The following ERC1 variants were observed in gnomAD, a reference collection of about 807,000 sequenced individuals.
The protein encoded by ERC1 is RAB6 interacting protein 2.
In ERC1, 56 loss-of-function variants were observed where a neutral mutation model predicts 132.0. That is an observed-to-expected ratio of 0.42 (90% CI 0.34 to 0.53). The LOEUF (loss-of-function observed/expected upper bound fraction) is 0.53, where lower values mean the gene tolerates loss of function less well. Ranked by LOEUF, ERC1 falls within the 20% of genes least tolerant of loss-of-function variation. The probability of loss-of-function intolerance (pLI) is 0.03; values close to 1 mark genes in which losing one functional copy is unlikely to be tolerated. For synonymous variants in ERC1, 478 were observed against 476.1 expected, an observed-to-expected ratio of 1.00 and a Z score of -0.05; for missense variants, 1,202 against 1,349.9, an observed-to-expected ratio of 0.89 and a Z score of 1.72.
intron 8 of ERC1, among the ~76,000 whole-genome samples, chr12:1,177,772 T>C (rs769874929): frequency 5.3e-5 from 8 of 152,208 alleles, no homozygotes; most frequent in Non-Finnish European, 1.0e-4. Flanking sequence ...GTAGTGCCGA[T>C]AGACTTGCTC....
intron 12 of ERC1, among the ~76,000 whole-genome samples, chr12:1,200,809 C>G (rs1192212322): frequency 2.6e-5 from 4 of 152,162 alleles, no homozygotes; most frequent in African/African-American, 7.2e-5. Context: ...CCGCCCGCCT[C>G]GGCCTCCCAA....
intron 14 of ERC1, among the ~76,000 whole-genome samples, chr12:1,288,322 C>A (rs1159147218): frequency 1.3e-5 from 2 of 152,090 alleles, no homozygotes; most frequent in Non-Finnish European, 2.9e-5. Context: ...GCCATGTTGG[C>A]CAGGCTAGTC....
At chr12:1,100,280 T>A (rs1463521691) in intron 3 of ERC1, among the ~76,000 whole-genome samples, 1 of 152,124 alleles carries the variant, frequency 6.6e-6, no homozygotes, top group Non-Finnish European at 1.5e-5. Flanking sequence ...TGAGTCTGGC[T>A]GGAGCCGACT....
chr12:1,046,556 T>C (rs1265953821), intron 2 of ERC1, among the ~76,000 whole-genome samples: 5 of 152,212 alleles, frequency 3.3e-5, no homozygotes, highest in African/African-American at 1.2e-4. Context: ...GTAGTTGTGA[T>C]AGAGTCTATA....
At chr12:1,373,246 G>A (rs768544465) in intron 16 of ERC1, among the ~76,000 whole-genome samples, 8 of 152,226 alleles carry the variant, frequency 5.3e-5, no homozygotes, top group African/African-American at 1.7e-4. Context: ...GCTGATAATA[G>A]CAAATTGGAG....
intron 2 of ERC1, among the ~76,000 whole-genome samples, chr12:1,051,783 G>T (rs1444023253): frequency 1.3e-5 from 2 of 150,688 alleles, no homozygotes; most frequent in Admixed American, 6.7e-5. Context: ...GAGAGGAAAA[G>T]AAGGTGAATT....
intron 8 of ERC1, among the ~76,000 whole-genome samples, chr12:1,161,075 C>T (rs1455035056): frequency 1.3e-5 from 2 of 152,124 alleles, no homozygotes; most frequent in Non-Finnish European, 2.9e-5. Flanking sequence ...TGTGGGTCTC[C>T]CAGTCTTCCC....
intron 7 of ERC1, among the ~76,000 whole-genome samples, chr12:1,126,986 C>CAAAAAAAAAAAAAAAAAAAAAAAAAAA: frequency 8.8e-6 from 1 of 114,210 alleles, no homozygotes; most frequent in African/African-American, 4.3e-5. Context: ...GATTCTGTCT[C>CAAAAAAAAAAAAAAAAAAAAAAAAAAA]AAAAAAAAAA....
chr12:1,257,565 A>G (rs905213533), intron 13 of ERC1, among the ~76,000 whole-genome samples: 1 of 152,168 alleles, frequency 6.6e-6, no homozygotes, highest in African/African-American at 2.4e-5. Context: ...TATTATCACC[A>G]TGGTAATTAT....
At chr12:1,191,751 A>G (rs975370215) in intron 12 of ERC1, among the ~76,000 whole-genome samples, 1 of 152,190 alleles carries the variant, frequency 6.6e-6, no homozygotes, top group African/African-American at 2.4e-5. Flanking sequence ...CACAGAATGT[A>G]ACTCTTATAA....
At chr12:1,194,335 C>A (rs541709720) in intron 12 of ERC1, among the ~76,000 whole-genome samples, 1 of 151,922 alleles carries the variant, frequency 6.6e-6, no homozygotes, top group Admixed American at 6.6e-5. Context: ...GCAGGAGAAT[C>A]GCTTGAACTC....
chr12:1,180,648 A>G lies in ERC1; in HGVS notation c.1846A>G (p.Thr616Ala). 6.2e-7 allele frequency: 1 copy of G among 1,614,046 alleles called. No individual in the cohort carries two copies. The highest frequency in any genetic ancestry group is 8.5e-7 in the Non-Finnish European group (1 of 1,180,034). Residue 616 changes from threonine (T) to alanine (A), a missense_variant, in exon 9 of 19, where the codon ACA becomes GCA. Coordinates refer to ENST00000360905, the MANE Select transcript of ERC1 (RefSeq NM_178040.4). ...CACCACCAACACTGACACTGCCTTG[A>G]CAACTTTGGAGGAGGCCCTTGCAGA... Reference protein sequence around the residue: ...ADTTNTDTALTTLEEALAEKE... With the variant: ...ADTTNTDTALATLEEALAEKE...
chr12:1,233,470 CAAA>C (rs60542316), intron 12 of ERC1, among the ~76,000 whole-genome samples: 21 of 71,496 alleles, frequency 2.9e-4, no homozygotes, highest in African/African-American at 8.8e-4. Context: ...GACCCTGTCT[CAAA>C]AAAAAAAAAA....
chr12:1,271,002 T>A (rs2077808745), intron 14 of ERC1, among the ~76,000 whole-genome samples: 1 of 152,182 alleles, frequency 6.6e-6, no homozygotes, highest in African/African-American at 2.4e-5. Context: ...TACTTCCTTT[T>A]CTTTAAAAAA....
chr12:1,037,308 T>G (rs1477239121), intron 2 of ERC1, among the ~76,000 whole-genome samples: 1 of 152,202 alleles, frequency 6.6e-6, no homozygotes, highest in Non-Finnish European at 1.5e-5. Context: ...TTTTAGAGAT[T>G]TGCTAATTTA....
intron 15 of ERC1, among the ~76,000 whole-genome samples, chr12:1,307,683 T>C (rs1230199190): frequency 6.6e-6 from 1 of 152,216 alleles, no homozygotes; most frequent in Non-Finnish European, 1.5e-5. Flanking sequence ...TGATGATTCC[T>C]TTTTGCTACC....
intron 12 of ERC1, among the ~76,000 whole-genome samples, chr12:1,209,249 G>C (rs1241493466): frequency 2.0e-5 from 3 of 152,190 alleles, no homozygotes; most frequent in Admixed American, 6.5e-5. Context: ...GATTACAGGC[G>C]TGATAAACTG....
chr12:1,482,384 A>G (rs976271534), intron 18 of ERC1, among the ~76,000 whole-genome samples: 1 of 145,740 alleles, frequency 6.9e-6, no homozygotes, highest in African/African-American at 2.5e-5. Context: ...TATTTGTGGC[A>G]GTTACTACAC....
chr12:1,459,948 A>G (rs1439387850), intron 18 of ERC1, among the ~76,000 whole-genome samples: 1 of 152,212 alleles, frequency 6.6e-6, no homozygotes, highest in Non-Finnish European at 1.5e-5. Context: ...AACGATACAG[A>G]TAGAGACAGA....
Sources: allele counts gnomAD v4.1 joint callset (sites outside exome capture counted in the v4.1 genomes callset), GRCh38; gene constraint gnomAD v4.1.1; transcripts MANE v1.5; gene names NCBI Gene and HGNC (gene_info 2026-07-23, HGNC 2026-07-21).